SPEF2: variants seen among roughly 807,000 people sequenced by gnomAD.
SPEF2 encodes sperm flagella and cilia-associated protein 2.
In SPEF2, 187 loss-of-function variants were observed where a neutral mutation model predicts 224.6. The ratio of observed to expected loss-of-function variants is 0.83; its 90% CI spans 0.74 to 0.94. SPEF2 has a LOEUF of 0.94. Ranked by LOEUF, SPEF2 falls within the 40% of genes least tolerant of loss-of-function variation. The pLI, the probability that SPEF2 is intolerant of heterozygous loss-of-function variation, is 0.00. For missense variants in SPEF2, 2,170 were observed against 2,135.6 expected (o/e 1.02, Z -0.32); for synonymous variants, 715 against 707.3 (o/e 1.01, Z -0.17).
At chr5:35,628,123 T>A (rs1416898825) in intron 1 of SPEF2, among the ~76,000 whole-genome samples, 3 of 152,340 alleles carry the variant, frequency 2.0e-5, no homozygotes, top group Non-Finnish European at 2.9e-5. Flanking sequence ...AGAGTATGAT[T>A]TTATAAAATA....
chr5:35,678,909 C>A (rs1487345395), intron 10 of SPEF2, among the ~76,000 whole-genome samples: 1 of 152,166 alleles, frequency 6.6e-6, no homozygotes, highest in Non-Finnish European at 1.5e-5. Flanking sequence ...GATAAATAAC[C>A]ACACTTTCTG....
chr5:35,675,321 T>C (rs1751793471), intron 10 of SPEF2, among the ~76,000 whole-genome samples: 1 of 152,144 alleles, frequency 6.6e-6, no homozygotes, highest in African/African-American at 2.4e-5. Flanking sequence ...GCCTCCAAAA[T>C]AGAAAGGAGC....
chr5:35,650,036 A>G (rs1484542300), intron 6 of SPEF2, among the ~76,000 whole-genome samples: 2 of 152,228 alleles, frequency 1.3e-5, no homozygotes, highest in Non-Finnish European at 2.9e-5. Flanking sequence ...ATATTTTTAA[A>G]TGGAAATGAT....
intron 8 of SPEF2, 131 bp from the exon 9 acceptor site, chr5:35,666,941 C>G: frequency 1.3e-6 from 1 of 751,830 alleles, no homozygotes; most frequent in Non-Finnish European, 2.1e-6. Context: ...AGTGTTCATT[C>G]ATGATTAATT....
intron 33 of SPEF2, 134 bp from the exon 34 acceptor site, chr5:35,799,834 T>C: frequency 1.2e-6 from 1 of 858,100 alleles, no homozygotes; most frequent in Non-Finnish European, 1.8e-6. Flanking sequence ...CCATTCATTA[T>C]ATGTTAGCTT....
rs189400845 is a variant in SPEF2 at position 35,746,083 on chromosome 5, C to A, written c.3330+5816C>A. Among the ~76,000 whole-genome samples, 4 of 152,294 alleles carry A rather than the reference C, an allele frequency of 2.6e-5. No individual in the cohort carries two copies. The South Asian group carries it at 6.2e-4, about 24-fold the overall frequency. The stretch of plus-strand genomic sequence containing the variant: ...CCCAGAAGACAGACAACAATCACTG[C>A]AGTTTGGCTCACAGGAAGCCACATC... On this transcript the variant is annotated intron_variant, in intron 23 of 36. Transcript: ENST00000356031.
intron 10 of SPEF2, among the ~76,000 whole-genome samples, chr5:35,680,483 T>C (rs370669974): frequency 4.6e-5 from 7 of 152,338 alleles, no homozygotes; most frequent in African/African-American, 1.7e-4. Context: ...TCCGTTCACA[T>C]ATATTGAGCC....
At chr5:35,666,272 C>T (rs1235681405) in intron 8 of SPEF2, among the ~76,000 whole-genome samples, 1 of 152,100 alleles carries the variant, frequency 6.6e-6, no homozygotes, top group African/African-American at 2.4e-5. Context: ...AAGAAGCTGG[C>T]GTAGCTATCT....
chr5:35,765,128 A>C (rs1299011711), intron 26 of SPEF2, among the ~76,000 whole-genome samples: 2 of 152,130 alleles, frequency 1.3e-5, no homozygotes, highest in African/African-American at 4.8e-5. Context: ...TGATGTTCTT[A>C]AGAGTTTTAT....
intron 2 of SPEF2, 32 bp downstream of exon 2, chr5:35,628,594 G>A: frequency 6.8e-7 from 1 of 1,481,424 alleles, no homozygotes; most frequent in Middle Eastern, 1.7e-4. Context: ...TGTTGTTGTT[G>A]TTGTTTATTT....
At chr5:35,630,509 A>G (rs1744929599) in intron 2 of SPEF2, among the ~76,000 whole-genome samples, 1 of 152,144 alleles carries the variant, frequency 6.6e-6, no homozygotes, top group Admixed American at 6.5e-5. Flanking sequence ...ATCCTGGCTA[A>G]CACGGTGAAA....
intron 26 of SPEF2, among the ~76,000 whole-genome samples, chr5:35,769,576 T>TCC (rs1225975753): frequency 1.3e-5 from 2 of 152,140 alleles, no homozygotes; most frequent in African/African-American, 4.8e-5. Context: ...CTACTGGGCA[T>TCC]CCCCTTTGAG....
intron 18 of SPEF2, among the ~76,000 whole-genome samples, chr5:35,708,643 AGCACCTCCACCACCAC>A: frequency 2.9e-3 from 1 of 344 alleles, no homozygotes; most frequent in Admixed American, 0.033. Context: ...CACCTCTACC[AGCACCTCCACCACCAC>A]TACCACCAGC....
At chr5:35,673,136 T>C (rs1211402284) in intron 10 of SPEF2, among the ~76,000 whole-genome samples, 2 of 152,152 alleles carry the variant, frequency 1.3e-5, no homozygotes, top group African/African-American at 4.8e-5. Context: ...CCTAGGCAAC[T>C]ACCACAGCAT....
chr5:35,663,720 A>G (rs919106765), intron 8 of SPEF2, among the ~76,000 whole-genome samples: 2 of 152,094 alleles, frequency 1.3e-5, no homozygotes, highest in Non-Finnish European at 2.9e-5. Context: ...ATATAACATT[A>G]TTTATTTTCC....
chr5:35,637,561 T>C (rs1489519952), intron 2 of SPEF2, among the ~76,000 whole-genome samples: 1 of 152,170 alleles, frequency 6.6e-6, no homozygotes, highest in Non-Finnish European at 1.5e-5. Context: ...GTTGTACATA[T>C]AGCAACTGTA....
chr5:35,762,810 T>C (rs893824400), intron 25 of SPEF2, among the ~76,000 whole-genome samples: 3 of 152,232 alleles, frequency 2.0e-5, no homozygotes, highest in Admixed American at 6.5e-5. Context: ...GGATAAGATA[T>C]TCCCAGAGGC....
At chr5:35,656,950 G>C (rs1347681716) in intron 7 of SPEF2, among the ~76,000 whole-genome samples, 4 of 152,182 alleles carry the variant, frequency 2.6e-5, no homozygotes, top group African/African-American at 4.8e-5. Context: ...GTGAGCCCAG[G>C]CTCCTGTGCA....
intron 1 of SPEF2, among the ~76,000 whole-genome samples, chr5:35,621,936 G>A (rs1221585477): frequency 6.6e-6 from 1 of 152,146 alleles, no homozygotes; most frequent in Non-Finnish European, 1.5e-5. Context: ...AAGCCACACT[G>A]TTCAATAGTA....
Sources: gnomAD v4.1 joint callset for allele counts (sites outside exome capture counted in the v4.1 genomes callset) on GRCh38, gnomAD v4.1.1 for gene constraint, MANE v1.5 for transcripts, NCBI Gene and HGNC (gene_info 2026-07-23, HGNC 2026-07-21) for gene names.